Variants in ZZZ3 observed in about 807,000 individuals in gnomAD.
The protein encoded by ZZZ3 is zinc finger ZZ-type containing 3.
A neutral mutation model predicts 95.2 loss-of-function variants in ZZZ3; 22 were observed. That is an observed-to-expected ratio of 0.23 (90% confidence interval 0.17 to 0.33). ZZZ3 has a LOEUF of 0.33. Ranked by LOEUF, ZZZ3 falls within the 10% of genes least tolerant of loss-of-function variation. The pLI is 1.00. For missense variants in ZZZ3, 885 were observed against 1,066.5 expected, an observed-to-expected ratio of 0.83 and a Z score of 2.37; for synonymous variants, 335 against 358.9, an observed-to-expected ratio of 0.93 and a Z score of 0.75.
chr1:77,641,086 A>C (rs1239078781), intron 3 of ZZZ3: 1 of 152,748 alleles, frequency 6.5e-6, no homozygotes, highest in Non-Finnish European at 1.5e-5. Flanking sequence ...CACTCTTCTT[A>C]TAACAGACTC....
chr1:77,648,348 C>CAAAAA (rs774444208), intron 1 of ZZZ3, among the ~76,000 whole-genome samples: 1 of 52,928 alleles, frequency 1.9e-5, no homozygotes, highest in African/African-American at 6.9e-5. Context: ...AATCTTGCCT[C>CAAAAA]AAAAAAAAAA....
chr1:77,628,201 C>T (rs1024040416), intron 5 of ZZZ3, among the ~76,000 whole-genome samples: 2 of 152,094 alleles, frequency 1.3e-5, no homozygotes, highest in African/African-American at 4.8e-5. Flanking sequence ...CTATTTAAGC[C>T]TAAAAAGAAA....
intron 5 of ZZZ3, among the ~76,000 whole-genome samples, chr1:77,601,547 T>C (rs371713451): frequency 5.1e-4 from 78 of 152,070 alleles, no homozygotes; most frequent in African/African-American, 1.8e-3. Context: ...ACAGGGCCAA[T>C]AGAAAGGTTG....
intron 12 of ZZZ3, among the ~76,000 whole-genome samples, chr1:77,569,129 G>T (rs1661121186): frequency 6.6e-6 from 1 of 152,310 alleles, no homozygotes; most frequent in Admixed American, 6.5e-5. Flanking sequence ...TTTAGGTCAG[G>T]AGTTCAAGAC....
At chr1:77,628,809 A>G (rs1043698684) in intron 5 of ZZZ3, among the ~76,000 whole-genome samples, 3 of 152,202 alleles carry the variant, frequency 2.0e-5, no homozygotes, top group African/African-American at 4.8e-5. Context: ...GGCTATCAAG[A>G]AGTATTCATT....
chr1:77,631,794 A>G (rs1206613220), intron 5 of ZZZ3, 56 bp downstream of exon 5: 1 of 1,392,424 alleles, frequency 7.2e-7, no homozygotes, highest in Non-Finnish European at 9.7e-7. Flanking sequence ...TAGATACTGA[A>G]AAACTTGGGG....
chr1:77,637,313 A>T (rs1450938565), intron 4 of ZZZ3, among the ~76,000 whole-genome samples: 3 of 152,224 alleles, frequency 2.0e-5, no homozygotes, highest in East Asian at 3.8e-4. Flanking sequence ...TGAAATTAAC[A>T]TGTGATGTGC....
chr1:77,608,984 AAAC>A (rs1256300541), intron 5 of ZZZ3, among the ~76,000 whole-genome samples: 2 of 152,184 alleles, frequency 1.3e-5, no homozygotes, highest in Non-Finnish European at 2.9e-5. Context: ...GAGGACCACA[AAAC>A]AACCAGAAAA....
In ZZZ3 at chr1:77,564,410, GC is replaced by G. The variant is rs1337851768; in HGVS notation, c.*1229del. 2.0e-5 allele frequency: 3 copies of G among 151,868 alleles called. No individual in the cohort carries two copies. The highest frequency in any genetic ancestry group is 7.3e-5 in the African/African-American group (3 of 41,292). 9.4% of individuals were successfully genotyped at this position (151,868 alleles called of 1,614,324 possible). The stretch of plus-strand genomic sequence containing the variant: ...GAAAGAAAACTCTTAAATATGTGAA[GC>G]AAACCATTTTAAAAAATACCAATTT... On this transcript the variant is annotated 3_prime_UTR_variant, in exon 15 of 15. Coordinates refer to ENST00000370801, the MANE Select transcript of ZZZ3 (RefSeq NM_015534.6).
At position 77,564,732 on chromosome 1, in the gene ZZZ3, G is replaced by C. The variant is rs187312296; in HGVS notation, c.*908C>G. ...AGTAATAAAAATACAATCTTTTATG[G>C]ATCTTGTGCAGACTACAAAAGAGGG... On this transcript the variant is annotated 3_prime_UTR_variant, in exon 15 of 15. Transcript: ENST00000370801. The C allele has an allele frequency of 6.5e-6, 1 of 152,690 alleles. No individual in the cohort carries two copies. The highest frequency in any genetic ancestry group is 2.4e-5 in the African/African-American group (1 of 41,566). The allele number at this position is 152,690 out of a possible 1,614,324, so 9.5% of individuals were successfully genotyped here. A position where few individuals can be genotyped will look rare whatever the true frequency, so the allele number is the denominator to read the frequency against.
chr1:77,587,730 C>T (rs1025236936), intron 5 of ZZZ3, among the ~76,000 whole-genome samples: 2 of 152,120 alleles, frequency 1.3e-5, no homozygotes, highest in African/African-American at 4.8e-5. Context: ...ACAGTTGGCC[C>T]TTGAACAACA....
At chr1:77,680,973 T>C (rs879616799) in intron 1 of ZZZ3, among the ~76,000 whole-genome samples, 1 of 152,224 alleles carries the variant, frequency 6.6e-6, no homozygotes, top group Non-Finnish European at 1.5e-5. Context: ...TTCACAAGAT[T>C]ATACTACCAA....
chr1:77,576,513 A>G (rs927097529), intron 11 of ZZZ3, among the ~76,000 whole-genome samples: 7 of 152,262 alleles, frequency 4.6e-5, no homozygotes, highest in Admixed American at 3.9e-4. Context: ...TGGCAGTCAA[A>G]TGCTGGCTGC....
At chr1:77,679,464 C>T (rs1672553073) in intron 1 of ZZZ3, among the ~76,000 whole-genome samples, 1 of 152,030 alleles carries the variant, frequency 6.6e-6, no homozygotes, top group Non-Finnish European at 1.5e-5. Context: ...CACTACCAGG[C>T]TAATTTTTTT....
chr1:77,591,469 G>A (rs945751446), intron 5 of ZZZ3, among the ~76,000 whole-genome samples: 8 of 152,120 alleles, frequency 5.3e-5, no homozygotes, highest in African/African-American at 1.7e-4. Flanking sequence ...AGCCTCCCAA[G>A]TAGCTGGGAC....
chr1:77,645,922 G>A (rs181137755), intron 1 of ZZZ3, among the ~76,000 whole-genome samples: 1 of 138,864 alleles, frequency 7.2e-6, no homozygotes. Context: ...AGTGAGCCGA[G>A]ATCACACCAC....
intron 12 of ZZZ3, among the ~76,000 whole-genome samples, chr1:77,573,213 G>A (rs6691317): frequency 0.61 from 92,679 of 151,842 alleles, 30,470 homozygotes; most frequent in Non-Finnish European, 0.74. Flanking sequence ...TCTGCCTCCC[G>A]GGTTCAGGCA....
At chr1:77,636,705 GA>G (rs10568853) in intron 4 of ZZZ3, among the ~76,000 whole-genome samples, 25,810 of 66,924 alleles carry the variant, frequency 0.39, 4,590 homozygotes, top group Admixed American at 0.48. Context: ...GCCCTGTCTT[GA>G]AAAAAAAAAA....
At chr1:77,618,215 A>G (rs1342704831) in intron 5 of ZZZ3, among the ~76,000 whole-genome samples, 2 of 148,868 alleles carry the variant, frequency 1.3e-5, no homozygotes, top group Non-Finnish European at 3.0e-5. Context: ...TTGCTCTAGA[A>G]GAGTAGACCA....
Sources: allele counts gnomAD v4.1 joint callset (sites outside exome capture counted in the v4.1 genomes callset), GRCh38; gene constraint gnomAD v4.1.1; transcripts MANE v1.5; gene names NCBI Gene and HGNC (gene_info 2026-07-23, HGNC 2026-07-21).